HIVEP1: variants seen among roughly 807,000 people sequenced by gnomAD.
The protein encoded by HIVEP1 is HIVEP zinc finger 1.
Under a neutral mutation model 180.0 loss-of-function variants are expected in HIVEP1, and 36 were observed. That is an observed-to-expected ratio of 0.20 (90% confidence interval 0.15 to 0.26). HIVEP1 has a LOEUF of 0.26. Among genes scored for constraint, HIVEP1 ranks in the 10% least tolerant of loss-of-function variants. HIVEP1 has a pLI of 1.00. For missense variants in HIVEP1, 3,143 were observed against 3,268.7 expected, an observed-to-expected ratio of 0.96 and a Z score of 0.94; for synonymous variants, 1,239 against 1,239.0, an observed-to-expected ratio of 1.00 and a Z score of 0.00.
chr6:12,130,997 C>A, intron 6 of HIVEP1, 55 bp downstream of exon 6: 1 of 1,315,684 alleles, frequency 7.6e-7, no homozygotes, highest in Non-Finnish European at 1.1e-6. Flanking sequence ...GGTGGGAAAG[C>A]TAAAACCCAA....
intron 3 of HIVEP1, among the ~76,000 whole-genome samples, chr6:12,103,968 T>C (rs1436616209): frequency 1.3e-5 from 2 of 152,212 alleles, no homozygotes; most frequent in African/African-American, 2.4e-5. Context: ...TTTGGAAGCA[T>C]AGAAAATCTA....
intron 2 of HIVEP1, among the ~76,000 whole-genome samples, chr6:12,084,550 G>T (rs952190609): frequency 2.6e-5 from 4 of 152,054 alleles, no homozygotes; most frequent in Non-Finnish European, 4.4e-5. Context: ...CATTTATTTA[G>T]TGCTATTGAA....
intron 7 of HIVEP1, among the ~76,000 whole-genome samples, chr6:12,150,920 AAGGTTGCTACTGAGTGTACGTGGGCC>A (rs1759665685): frequency 1.3e-5 from 2 of 152,190 alleles, no homozygotes. Flanking sequence ...ACAACAAAAG[AAGGTTGCTACTGAGTGTACGTGGGCC>A]AGGTTGCTAC....
Position 12,121,931 on chromosome 6 carries a change from T to C in HIVEP1, c.2136T>C (p.Ala712=), listed in dbSNP as rs748488757. 6.2e-7 allele frequency: 1 copy of C among 1,614,136 alleles called. No homozygotes were observed. Among genetic ancestry groups the C allele is most frequent in the Admixed American group, 1.7e-5 (1 of 60,026 alleles). ...DSGRSNGPSA[A]LVTTSTPSAL... is the part of the protein sequence containing the mutation. ...GAAGGAGTAACGGACCCTCTGCAGCTCTTGTCACCACGTCAACACCCTCTG... is the reference window on the plus strand; with the variant it reads ...GAAGGAGTAACGGACCCTCTGCAGCCCTTGTCACCACGTCAACACCCTCTG... The change falls in exon 4 of 9, where the codon GCT becomes GCC. Residue 712 remains alanine (A), a synonymous_variant. Transcript: ENST00000379388. The surrounding 1 kb of genome is among the most constrained non-coding windows in gnomAD (Gnocchi z 5.3).
intron 3 of HIVEP1, among the ~76,000 whole-genome samples, chr6:12,110,364 A>G (rs193072344): frequency 1.4e-4 from 21 of 152,386 alleles, no homozygotes; most frequent in South Asian, 8.3e-4. Context: ...TTCTTCCAAT[A>G]GAAGGCTGGT....
the HIVEP1 span, among the ~76,000 whole-genome samples, chr6:12,201,535 G>A: frequency 6.6e-6 from 1 of 152,096 alleles, no homozygotes; most frequent in Non-Finnish European, 1.5e-5. Context: ...ACATGTATAA[G>A]GCACGGTCTG....
chr6:12,193,925 GA>G, the HIVEP1 span, among the ~76,000 whole-genome samples: 1 of 152,084 alleles, frequency 6.6e-6, no homozygotes, highest in South Asian at 2.1e-4. Context: ...GCTTTAATGA[GA>G]AACAATTAAT....
intron 6 of HIVEP1, among the ~76,000 whole-genome samples, chr6:12,132,413 G>T (rs1324036891): frequency 6.6e-6 from 1 of 152,048 alleles, no homozygotes; most frequent in Non-Finnish European, 1.5e-5. Flanking sequence ...TGGGAAATGG[G>T]TATTTCTCAA....
chr6:12,140,079 C>T (rs536907471), intron 7 of HIVEP1, among the ~76,000 whole-genome samples: 5 of 152,358 alleles, frequency 3.3e-5, no homozygotes, highest in Non-Finnish European at 1.5e-5. Context: ...GGAGACACCT[C>T]CCCGTAGGGG....
intron 4 of HIVEP1, among the ~76,000 whole-genome samples, chr6:12,127,397 A>C (rs1758150537): frequency 6.6e-6 from 1 of 152,208 alleles, no homozygotes; most frequent in Non-Finnish European, 1.5e-5. Flanking sequence ...AATCTACTAA[A>C]TCTTGGAAGT....
intron 4 of HIVEP1, among the ~76,000 whole-genome samples, chr6:12,126,609 A>G (rs1306878992): frequency 6.6e-6 from 1 of 152,238 alleles, no homozygotes; most frequent in Non-Finnish European, 1.5e-5. Context: ...CTGCATATTC[A>G]GAAGTATTTG....
chr6:12,022,417 G>A (rs959232720), intron 2 of HIVEP1, among the ~76,000 whole-genome samples: 8 of 152,012 alleles, frequency 5.3e-5, no homozygotes, highest in Non-Finnish European at 7.4e-5. Context: ...TGATCCACCC[G>A]CCTCGGCCTC....
chr6:12,150,445 C>T (rs868124496), intron 7 of HIVEP1, among the ~76,000 whole-genome samples: 73 of 152,280 alleles, frequency 4.8e-4, no homozygotes, highest in African/African-American at 1.7e-3. Flanking sequence ...TAAGTACTTA[C>T]AGTAAAGATG....
chr6:12,078,165 G>A (rs975011564), intron 2 of HIVEP1, among the ~76,000 whole-genome samples: 3 of 152,064 alleles, frequency 2.0e-5, no homozygotes, highest in African/African-American at 7.2e-5. Flanking sequence ...CCTAGAGAAG[G>A]GATGTGAAAG....
At chr6:12,066,686 T>C (rs1325683672) in intron 2 of HIVEP1, among the ~76,000 whole-genome samples, 4 of 152,202 alleles carry the variant, frequency 2.6e-5, no homozygotes, top group South Asian at 4.1e-4. Context: ...ATGGGGAATT[T>C]TGTGCATTAT....
intron 3 of HIVEP1, among the ~76,000 whole-genome samples, chr6:12,090,322 G>A (rs188066870): frequency 6.6e-6 from 1 of 152,200 alleles, no homozygotes; most frequent in Admixed American, 6.5e-5. Context: ...TAGCTAAATA[G>A]GATTCCAGTT....
chr6:12,175,164 TTAA>T, the HIVEP1 span, among the ~76,000 whole-genome samples: 16 of 152,340 alleles, frequency 1.1e-4, 1 homozygote, highest in African/African-American at 3.6e-4. Context: ...TAGTATTGAA[TTAA>T]TAATTAATTG....
intron 2 of HIVEP1, among the ~76,000 whole-genome samples, chr6:12,055,475 A>G (rs951740792): frequency 9.9e-5 from 15 of 152,210 alleles, no homozygotes; most frequent in Non-Finnish European, 2.1e-4. Flanking sequence ...CGTCTCAAAA[A>G]AAAAATAAAA....
upstream of HIVEP1, among the ~76,000 whole-genome samples, chr6:12,009,079 G>A (rs1767144791): frequency 6.6e-6 from 1 of 150,504 alleles, no homozygotes; most frequent in South Asian, 2.1e-4. Flanking sequence ...GCGTGACCCG[G>A]CGGCCGGCGG....
Sources: gnomAD v4.1 joint callset for allele counts (sites outside exome capture counted in the v4.1 genomes callset) on GRCh38, gnomAD v4.1.1 for gene constraint, Gnocchi (gnomAD v3.1) non-coding constraint, MANE v1.5 for transcripts, NCBI Gene and HGNC (gene_info 2026-07-23, HGNC 2026-07-21) for gene names.